Variants in FGD6 observed in about 807,000 individuals in gnomAD.
The protein encoded by FGD6 is FYVE, RhoGEF and PH domain-containing protein 6.
A neutral mutation model predicts 149.4 loss-of-function variants in FGD6; 90 were observed. The ratio of observed to expected loss-of-function variants is 0.60; its 90% CI spans 0.51 to 0.72. The LOEUF is 0.72. Ranked by LOEUF, FGD6 falls within the 30% of genes least tolerant of loss-of-function variation. The pLI is 0.00. For missense variants in FGD6, 1,437 were observed against 1,684.8 expected (o/e 0.85, Z 2.57); for synonymous variants, 527 against 584.0 (o/e 0.90, Z 1.41).
At chr12:95,186,203 T>C (rs376344411) in intron 2 of FGD6, among the ~76,000 whole-genome samples, 1 of 149,722 alleles carries the variant, frequency 6.7e-6, no homozygotes, top group South Asian at 2.1e-4. Context: ...GTCTATGAGC[T>C]AAGAATGCTT....
chr12:95,186,845 T>A (rs1344689697), intron 2 of FGD6, among the ~76,000 whole-genome samples: 1 of 152,146 alleles, frequency 6.6e-6, no homozygotes, highest in East Asian at 1.9e-4. Context: ...TGAAATTGAG[T>A]CAGTTTTTAA....
In FGD6 at chr12:95,214,863, T is replaced by C. The variant is rs996141477; in HGVS notation, c.16+2362A>G. Among the ~76,000 whole-genome samples, 5 of 121,824 alleles carry C rather than the reference T, an allele frequency of 4.1e-5. No individual in the cohort carries two copies. The East Asian group carries it at 1.0e-3, about 24-fold the overall frequency. 79.9% of individuals were successfully genotyped at this position (121,824 alleles called of 152,430 possible). On this transcript the variant is annotated intron_variant, in intron 1 of 20. Transcript: ENST00000343958. Reference sequence around the variant, plus strand: ...CCTATAATTCTCTCTCCTTTTTTCTTTTTTTTTTTTTTTTTTTGAGATGGA... The same window carrying C: ...CCTATAATTCTCTCTCCTTTTTTCTCTTTTTTTTTTTTTTTTTGAGATGGA...
In FGD6 at chr12:95,150,892, C is replaced by T. The variant is rs1296740134; in HGVS notation, c.2685+1919G>A. On this transcript the variant is annotated intron_variant, in intron 5 of 20. Coordinates refer to ENST00000343958, the MANE Select transcript of FGD6 (RefSeq NM_018351.4). ...GAGGTGGGCAGATTGCTCAGGAGTT[C>T]GAGACCAGCCTGGGCAACATGGCTA... 3.9e-5 allele frequency among the ~76,000 whole-genome samples: 6 copies of T among 152,064 alleles called. No homozygotes were observed. The East Asian group carries it at 1.2e-3, about 29-fold the overall frequency.
intron 19 of FGD6, chr12:95,085,400 G>T (rs780391794): frequency 5.4e-6 from 1 of 185,928 alleles, no homozygotes; most frequent in Non-Finnish European, 1.1e-5. Flanking sequence ...ACGGGGTTTC[G>T]CCATGTTGGC....
intron 5 of FGD6, among the ~76,000 whole-genome samples, chr12:95,149,793 GAT>G (rs1194508430): frequency 2.1e-5 from 3 of 140,554 alleles, no homozygotes; most frequent in Non-Finnish European, 4.5e-5. Context: ...TATATTATAT[GAT>G]ATATAATACT....
At chr12:95,094,776 C>T in intron 14 of FGD6, 82 bp from the exon 15 acceptor site, 1 of 969,680 alleles carries the variant, frequency 1.0e-6, no homozygotes, top group East Asian at 2.4e-5. Flanking sequence ...CCCATGGCAA[C>T]AGATCCCACC....
At chr12:95,180,163 G>A (rs1200152467) in intron 2 of FGD6, among the ~76,000 whole-genome samples, 1 of 151,262 alleles carries the variant, frequency 6.6e-6, no homozygotes, top group Non-Finnish European at 1.5e-5. Flanking sequence ...AAGAAATCAA[G>A]GCACAGAGTG....
intron 14 of FGD6, among the ~76,000 whole-genome samples, chr12:95,095,738 G>T (rs752214861): frequency 2.6e-4 from 39 of 152,262 alleles, no homozygotes; most frequent in Middle Eastern, 6.8e-3. Flanking sequence ...AATCGGCCAG[G>T]CGTGGTGGCT....
rs780664123 is a variant in FGD6 at position 95,210,753 on chromosome 12, G to T, written c.531C>A (p.Ser177Arg). 3 of 1,613,970 alleles carry T rather than the reference G, an allele frequency of 1.9e-6. No individual in the cohort carries two copies. Among genetic ancestry groups the T allele is most frequent in the East Asian group, 2.2e-5 (1 of 44,884 alleles). Residue 177 changes from serine to arginine, a missense_variant, in exon 2 of 21, where the codon AGC (serine) becomes AGA (arginine). Around this residue, in one of 2 missense-constraint regions of FGD6, gnomAD observed 1,055 missense variants for 1,146.0 expected, o/e 0.92. Transcript: ENST00000343958. ...CATCTTTGAGCTCCTCTTCTAAAACGCTTGCCTTTAAAACAACCCCACCCT... is the reference window on the plus strand; with the variant it reads ...CATCTTTGAGCTCCTCTTCTAAAACTCTTGCCTTTAAAACAACCCCACCCT... ...KNQGGVVLKA[S>R]VLEEELKDAL...
chr12:95,163,667 G>T (rs1373795349), intron 3 of FGD6, among the ~76,000 whole-genome samples: 15 of 152,194 alleles, frequency 9.9e-5, no homozygotes, highest in Admixed American at 9.8e-4. Flanking sequence ...ATGCAAACTC[G>T]AATGAACTAA....
chr12:95,158,594 C>T (rs1015314701), intron 3 of FGD6, among the ~76,000 whole-genome samples: 24 of 151,414 alleles, frequency 1.6e-4, no homozygotes, highest in African/African-American at 5.6e-4. Context: ...CACACACATA[C>T]ACACACACAC....
At chr12:95,212,673 C>T (rs576943759) in intron 1 of FGD6, among the ~76,000 whole-genome samples, 2 of 152,296 alleles carry the variant, frequency 1.3e-5, no homozygotes, top group South Asian at 4.1e-4. Flanking sequence ...AAAATATCTG[C>T]TGCAAAGGAC....
chr12:95,141,138 G>A (rs1879829851), intron 6 of FGD6, among the ~76,000 whole-genome samples: 1 of 151,892 alleles, frequency 6.6e-6, no homozygotes, highest in African/African-American at 2.4e-5. Flanking sequence ...CAGAAGAAAC[G>A]CTGGAACCCG....
intron 8 of FGD6, among the ~76,000 whole-genome samples, chr12:95,130,977 T>C (rs1176756985): frequency 1.3e-5 from 2 of 152,212 alleles, no homozygotes; most frequent in Non-Finnish European, 2.9e-5. Flanking sequence ...GGTGCTTCAA[T>C]TAAAGCTGTG....
chr12:95,107,053 T>A lies in FGD6; in HGVS notation c.3334-16A>T, dbSNP rs1452719957. The A allele has an allele frequency of 6.3e-7, 1 of 1,589,928 alleles. No individual in the cohort carries two copies. The highest frequency in any genetic ancestry group is 2.2e-5 in the East Asian group (1 of 44,652). On this transcript the variant is annotated splice_polypyrimidine_tract_variant and intron_variant, in intron 12 of 20. Coordinates refer to ENST00000343958, the MANE Select transcript of FGD6 (RefSeq NM_018351.4). ...CATCATTAAACTGAAAGTAGAAACA[T>A]TTCAGGGGAGAAAGTAAAGAAACAC...
intron 5 of FGD6, among the ~76,000 whole-genome samples, chr12:95,150,096 C>G (rs1484024013): frequency 6.6e-6 from 1 of 150,624 alleles, no homozygotes. Context: ...GGCACAATCT[C>G]GACTCACCGC....
chr12:95,101,998 T>A (rs910623193), intron 14 of FGD6, among the ~76,000 whole-genome samples: 1 of 151,918 alleles, frequency 6.6e-6, no homozygotes, highest in African/African-American at 2.4e-5. Flanking sequence ...TCTGAACTTT[T>A]GTTCAAACTC....
intron 8 of FGD6, among the ~76,000 whole-genome samples, chr12:95,124,346 C>G (rs1879278461): frequency 6.6e-6 from 1 of 152,192 alleles, no homozygotes; most frequent in Non-Finnish European, 1.5e-5. Flanking sequence ...TTGGTCTGTA[C>G]CACCCTGAGT....
chr12:95,138,246 A>AAATAAATAAATAACTC (rs796444898), intron 6 of FGD6, among the ~76,000 whole-genome samples: 1,694 of 143,674 alleles, frequency 0.012, 14 homozygotes, highest in African/African-American at 0.018. Flanking sequence ...ATAAATAAAT[A>AAATAAATAAATAACTC]ACTCACTCAC....
Sources: gnomAD v4.1 joint callset for allele counts (sites outside exome capture counted in the v4.1 genomes callset) on GRCh38, gnomAD v4.1.1 for gene constraint, gnomAD v4.1.1 regional missense constraint, MANE v1.5 for transcripts, NCBI Gene and HGNC (gene_info 2026-07-23, HGNC 2026-07-21) for gene names.